The following HYCC1 variants were observed in gnomAD, a reference collection of about 807,000 sequenced individuals.
The protein encoded by HYCC1 is hyccin.
chr7:22,963,303 A>T, the HYCC1 span, among the ~76,000 whole-genome samples: 5 of 152,250 alleles, frequency 3.3e-5, no homozygotes, highest in Non-Finnish European at 4.4e-5. Context: ...TAAAGGCTCT[A>T]GTGGAAAAGA....
the HYCC1 span, among the ~76,000 whole-genome samples, chr7:22,905,797 C>T: frequency 1.3e-5 from 2 of 151,952 alleles, no homozygotes; most frequent in Admixed American, 6.6e-5. Context: ...TATTAAGTTA[C>T]GGAGGATTTC....
chr7:22,898,391 T>G, the HYCC1 span, among the ~76,000 whole-genome samples: 1 of 151,706 alleles, frequency 6.6e-6, no homozygotes. Flanking sequence ...TTTTTGTATT[T>G]TTAGTAGAGA....
the HYCC1 span, among the ~76,000 whole-genome samples, chr7:23,000,547 A>G: frequency 6.6e-6 from 1 of 152,154 alleles, no homozygotes; most frequent in African/African-American, 2.4e-5. Context: ...ATTATTTTTC[A>G]CCTAATATAT....
the HYCC1 span, among the ~76,000 whole-genome samples, chr7:22,904,883 A>G: frequency 2.0e-5 from 3 of 151,726 alleles, no homozygotes; most frequent in East Asian, 1.9e-4. Context: ...AAAAAAAAAA[A>G]AAAGAAAGAA....
At chr7:22,929,046 A>G in the HYCC1 span, among the ~76,000 whole-genome samples, 1 of 152,220 alleles carries the variant, frequency 6.6e-6, no homozygotes, top group Non-Finnish European at 1.5e-5. Context: ...ACATATCTAC[A>G]ACTACCTGAT....
chr7:22,942,480 T>A, the HYCC1 span: 1 of 152,128 alleles, frequency 6.6e-6, no homozygotes, highest in African/African-American at 2.4e-5. Flanking sequence ...TATTTTTGTT[T>A]CTCTCCCCAC....
the HYCC1 span, among the ~76,000 whole-genome samples, chr7:23,002,905 A>G: frequency 6.6e-6 from 1 of 152,154 alleles, no homozygotes; most frequent in Admixed American, 6.6e-5. Context: ...GAATAGTTTC[A>G]GGTCACTCCC....
At chr7:23,010,056 G>A in the HYCC1 span, among the ~76,000 whole-genome samples, 2 of 152,232 alleles carry the variant, frequency 1.3e-5, no homozygotes, top group South Asian at 4.1e-4. Context: ...TTAAGGAATT[G>A]TTCTGAGGGG....
the HYCC1 span, chr7:22,943,968 C>T: frequency 6.6e-6 from 1 of 152,146 alleles, no homozygotes; most frequent in Non-Finnish European, 1.5e-5. Context: ...TTGAAGAACT[C>T]GGTTTAAACT....
At chr7:22,985,120 A>T in the HYCC1 span, among the ~76,000 whole-genome samples, 1 of 151,880 alleles carries the variant, frequency 6.6e-6, no homozygotes, top group African/African-American at 2.4e-5. Context: ...TCAGTCAGTC[A>T]TTGCCAATCC....
At chr7:22,916,753 G>A in the HYCC1 span, among the ~76,000 whole-genome samples, 1 of 152,202 alleles carries the variant, frequency 6.6e-6, no homozygotes, top group Non-Finnish European at 1.5e-5. Flanking sequence ...AGCAAAGGCA[G>A]GCTATGCTAT....
chr7:22,924,010 A>AC, the HYCC1 span, among the ~76,000 whole-genome samples: 1 of 150,052 alleles, frequency 6.7e-6, no homozygotes, highest in South Asian at 2.1e-4. Context: ...AAAAAAAAAA[A>AC]AAAACCCAAA....
chr7:22,926,089 A>G, the HYCC1 span, among the ~76,000 whole-genome samples: 3 of 152,216 alleles, frequency 2.0e-5, no homozygotes, highest in Non-Finnish European at 4.4e-5. Flanking sequence ...ACTAAGCTTC[A>G]TAAGTGAAGG....
At chr7:23,013,939 G>C in the HYCC1 span, 3 of 470,282 alleles carry the variant, frequency 6.4e-6, no homozygotes, top group Non-Finnish European at 1.3e-5. Flanking sequence ...GCGGCTGCCG[G>C]AGCTCCACCT....
the HYCC1 span, among the ~76,000 whole-genome samples, chr7:22,982,542 G>A: frequency 3.3e-5 from 5 of 152,138 alleles, no homozygotes; most frequent in Non-Finnish European, 7.3e-5. Flanking sequence ...CTTTACCACT[G>A]AATCTGCTGT....
the HYCC1 span, among the ~76,000 whole-genome samples, chr7:22,984,803 T>C: frequency 6.6e-6 from 1 of 152,114 alleles, no homozygotes; most frequent in African/African-American, 2.4e-5. Context: ...AATTTAGACT[T>C]TTCAGAGCTA....
chr7:22,905,163 AC>A, the HYCC1 span, among the ~76,000 whole-genome samples: 1 of 151,958 alleles, frequency 6.6e-6, no homozygotes, highest in African/African-American at 2.4e-5. Flanking sequence ...TCCAAACACC[AC>A]CCACCAGGCC....
At chr7:23,009,078 T>G in the HYCC1 span, among the ~76,000 whole-genome samples, 2 of 152,088 alleles carry the variant, frequency 1.3e-5, no homozygotes. Flanking sequence ...TGCAATGTAA[T>G]TTGACAAAAG....
the HYCC1 span, among the ~76,000 whole-genome samples, chr7:22,903,417 T>C: frequency 6.6e-6 from 1 of 152,128 alleles, no homozygotes; most frequent in South Asian, 2.1e-4. Context: ...TTAAAAGGAT[T>C]GTGAGAGAAT....
Sources: gnomAD v4.1 joint callset for allele counts (sites outside exome capture counted in the v4.1 genomes callset) on GRCh38, gnomAD v4.1.1 for gene constraint, MANE v1.5 for transcripts, NCBI Gene and HGNC (gene_info 2026-07-23, HGNC 2026-07-21) for gene names.